ATXN7L1: variants seen among roughly 807,000 people sequenced by gnomAD.
The protein encoded by ATXN7L1 is ataxin 7 like 1, also known as ataxin-7-like protein 1.
In ATXN7L1, 15 loss-of-function variants were observed where a neutral mutation model predicts 70.8. The ratio of observed to expected loss-of-function variants is 0.21; its 90% CI spans 0.14 to 0.33. The LOEUF is 0.33. ATXN7L1 is among the 10% of genes least tolerant of loss of function. ATXN7L1 has a pLI of 1.00. For synonymous variants in ATXN7L1, 440 were observed against 445.1 expected (o/e 0.99, Z 0.14); for missense variants, 975 against 1,097.1 (o/e 0.89, Z 1.57).
In ATXN7L1 at chr7:105,848,209, T is replaced by C. The variant is rs532207021; in HGVS notation, c.250+27603A>G. Among the ~76,000 whole-genome samples the C allele has an allele frequency of 3.9e-5, 6 of 152,328 alleles. No individual in the cohort carries two copies. In the South Asian group the frequency reaches 1.2e-3, roughly 32 times the overall value. On this transcript the variant is annotated intron_variant, in intron 2 of 11. Transcript: ENST00000419735. Reference sequence around the variant, plus strand: ...TAAGATAACATTTGAACTTATTAAATCATCAAATATCTGACAATCTTTGGT... The same window carrying C: ...TAAGATAACATTTGAACTTATTAAACCATCAAATATCTGACAATCTTTGGT...
chr7:105,654,492 G>A (rs1326597849), intron 4 of ATXN7L1, among the ~76,000 whole-genome samples: 1 of 152,254 alleles, frequency 6.6e-6, no homozygotes, highest in Non-Finnish European at 1.5e-5. Context: ...CGAGGGTGGT[G>A]CTCTTTACTG....
chr7:105,633,813 G>A (rs556350539), intron 7 of ATXN7L1, among the ~76,000 whole-genome samples: 1 of 152,280 alleles, frequency 6.6e-6, no homozygotes, highest in South Asian at 2.1e-4. Flanking sequence ...ATAAAAGAGA[G>A]GAGGAGATGA....
intron 3 of ATXN7L1, among the ~76,000 whole-genome samples, chr7:105,699,956 T>C (rs1792223766): frequency 6.6e-6 from 1 of 152,178 alleles, no homozygotes; most frequent in South Asian, 2.1e-4. Flanking sequence ...GTATTATGTA[T>C]AAACTGAGAG....
In ATXN7L1 at chr7:105,606,278, A is replaced by G. The variant is rs1373989969; in HGVS notation, c.*1574T>C. 6.6e-6 allele frequency: 1 copy of G among 152,194 alleles called. No homozygotes were observed. Among genetic ancestry groups the G allele is most frequent in the Non-Finnish European group, 1.5e-5 (1 of 68,026 alleles). The allele number at this position is 152,194 out of a possible 1,614,324, so 9.4% of individuals were successfully genotyped here. On this transcript the variant is annotated 3_prime_UTR_variant, in exon 12 of 12. Coordinates refer to ENST00000419735, the MANE Select transcript of ATXN7L1 (RefSeq NM_020725.2). ...ATAAGAAACACTCACTGTCAGTGCAATTCCATTGATGAAAATCACTCCATT... is the reference window on the plus strand; with the variant it reads ...ATAAGAAACACTCACTGTCAGTGCAGTTCCATTGATGAAAATCACTCCATT...
chr7:105,685,918 G>A (rs149497992), intron 3 of ATXN7L1, among the ~76,000 whole-genome samples: 68 of 152,322 alleles, frequency 4.5e-4, no homozygotes, highest in African/African-American at 1.6e-3. Context: ...GCAAAGCATG[G>A]TCAGAGGTCA....
chr7:105,752,695 C>T (rs773969842), intron 3 of ATXN7L1, among the ~76,000 whole-genome samples: 1 of 152,134 alleles, frequency 6.6e-6, no homozygotes, highest in African/African-American at 2.4e-5. Flanking sequence ...CTTTTTTCAT[C>T]GCAAGAAGAG....
chr7:105,662,010 TTTTCTTTC>T (rs137986390), intron 4 of ATXN7L1, among the ~76,000 whole-genome samples: 17,785 of 131,494 alleles, frequency 0.14, 1,641 homozygotes, highest in Middle Eastern at 0.16. Flanking sequence ...AGATTCTTTC[TTTTCTTTC>T]TTTCTTTCTT....
chr7:105,673,974 C>A (rs750322262), intron 3 of ATXN7L1, among the ~76,000 whole-genome samples: 1 of 152,176 alleles, frequency 6.6e-6, no homozygotes, highest in Non-Finnish European at 1.5e-5. Flanking sequence ...GGACAGGCTG[C>A]GAATGCAGGC....
chr7:105,758,976 CG>C (rs1228382726), intron 3 of ATXN7L1, among the ~76,000 whole-genome samples: 2 of 151,944 alleles, frequency 1.3e-5, no homozygotes, highest in Non-Finnish European at 2.9e-5. Context: ...GTGGGGTGGC[CG>C]GGGGTGGTAA....
chr7:105,629,991 T>A (rs1796353108), intron 7 of ATXN7L1, among the ~76,000 whole-genome samples: 1 of 151,984 alleles, frequency 6.6e-6, no homozygotes. Context: ...CTAATTTTTT[T>A]ATTTTTAGTA....
At chr7:105,744,084 T>C (rs916881195) in intron 3 of ATXN7L1, among the ~76,000 whole-genome samples, 1 of 152,162 alleles carries the variant, frequency 6.6e-6, no homozygotes, top group Non-Finnish European at 1.5e-5. Context: ...TCCTTGTGCC[T>C]CAGTTTTCCC....
intron 2 of ATXN7L1, among the ~76,000 whole-genome samples, chr7:105,862,909 T>C (rs377670309): frequency 6.6e-6 from 1 of 152,148 alleles, no homozygotes; most frequent in African/African-American, 2.4e-5. Flanking sequence ...GGATCCTCTT[T>C]GTCACTGCCC....
chr7:105,623,797 C>T (rs184164204), intron 8 of ATXN7L1, among the ~76,000 whole-genome samples: 4 of 152,310 alleles, frequency 2.6e-5, no homozygotes, highest in East Asian at 3.9e-4. Flanking sequence ...CGCTTCAAAG[C>T]GGGCCATAAA....
chr7:105,666,974 C>T (rs534284148), intron 3 of ATXN7L1, among the ~76,000 whole-genome samples: 1 of 152,274 alleles, frequency 6.6e-6, no homozygotes, highest in South Asian at 2.1e-4. Context: ...TAGATGGCTT[C>T]GAAGCCTCCT....
intron 3 of ATXN7L1, among the ~76,000 whole-genome samples, chr7:105,709,022 T>A (rs1420715376): frequency 6.6e-6 from 1 of 152,216 alleles, no homozygotes; most frequent in East Asian, 1.9e-4. Flanking sequence ...TGTATTTTAA[T>A]CATGCCTTTT....
intron 3 of ATXN7L1, among the ~76,000 whole-genome samples, chr7:105,692,370 T>TTTCCTTCTTTCC (rs1392772227): frequency 6.3e-5 from 6 of 94,606 alleles, no homozygotes; most frequent in African/African-American, 2.6e-4. Flanking sequence ...AATTTCTTTC[T>TTTCCTTCTTTCC]TTCCTTCCTT....
intron 3 of ATXN7L1, among the ~76,000 whole-genome samples, chr7:105,718,044 G>A (rs1794766969): frequency 6.6e-6 from 1 of 152,146 alleles, no homozygotes; most frequent in Non-Finnish European, 1.5e-5. Flanking sequence ...CGTTCTTTTG[G>A]TAAAGCAGAG....
At chr7:105,755,135 T>A (rs558276142) in intron 3 of ATXN7L1, among the ~76,000 whole-genome samples, 1 of 152,216 alleles carries the variant, frequency 6.6e-6, no homozygotes, top group East Asian at 1.9e-4. Flanking sequence ...TCATACTCTT[T>A]ATGGTTTTAC....
chr7:105,832,601 G>A (rs1054990497), intron 2 of ATXN7L1, among the ~76,000 whole-genome samples: 4 of 152,168 alleles, frequency 2.6e-5, no homozygotes, highest in Non-Finnish European at 5.9e-5. Flanking sequence ...CCAACAACTT[G>A]GAGTAGTTCT....
Sources: allele counts gnomAD v4.1 joint callset (sites outside exome capture counted in the v4.1 genomes callset), GRCh38; gene constraint gnomAD v4.1.1; transcripts MANE v1.5; gene names NCBI Gene and HGNC (gene_info 2026-07-23, HGNC 2026-07-21).